Variants in EFCAB11 observed in about 807,000 individuals in gnomAD.
EFCAB11 encodes the protein EF-hand calcium-binding domain-containing protein 11.
Under a neutral mutation model 23.0 loss-of-function variants are expected in EFCAB11, and 14 were observed. The ratio of observed to expected loss-of-function variants is 0.61; its 90% CI spans 0.40 to 0.95. The LOEUF is 0.95. EFCAB11 is among the 40% of genes least tolerant of loss of function. The pLI, the probability that EFCAB11 is intolerant of heterozygous loss-of-function variation, is 0.00. For missense variants in EFCAB11, 198 were observed against 195.8 expected (o/e 1.01, Z -0.07); for synonymous variants, 65 against 66.6 (o/e 0.98, Z 0.11).
chr14:89,825,879 T>TTTAG (rs1257856134), intron 5 of EFCAB11, among the ~76,000 whole-genome samples: 1 of 152,172 alleles, frequency 6.6e-6, no homozygotes, highest in African/African-American at 2.4e-5. Context: ...GCTTGCAATG[T>TTTAG]TTTATAACTA....
At chr14:89,805,672 C>T (rs8022250) in intron 5 of EFCAB11, among the ~76,000 whole-genome samples, 108 of 152,090 alleles carry the variant, frequency 7.1e-4, no homozygotes, top group African/African-American at 2.6e-3. Context: ...TGAGCTGGAG[C>T]CTAAACAAAC....
chr14:89,944,104 T>C (rs144667917), intron 3 of EFCAB11, among the ~76,000 whole-genome samples: 86 of 152,342 alleles, frequency 5.6e-4, no homozygotes, highest in African/African-American at 2.0e-3. Context: ...TCTTTTCTCA[T>C]GCTGCTGATA....
At chr14:89,954,742 G>T, upstream of EFCAB11, 1 of 1,537,600 alleles carries the variant, frequency 6.5e-7, no homozygotes. Flanking sequence ...CCGCGGCCAC[G>T]CCCACCGCGG....
At chr14:89,925,073 A>C (rs1441024240) in intron 5 of EFCAB11, among the ~76,000 whole-genome samples, 1 of 152,268 alleles carries the variant, frequency 6.6e-6, no homozygotes, top group Non-Finnish European at 1.5e-5. Context: ...TTAAGGAAAG[A>C]AGACTGTACA....
chr14:89,918,854 T>C lies in EFCAB11; in HGVS notation c.410+12687A>G, dbSNP rs929304115. Among the ~76,000 whole-genome samples the C allele has an allele frequency of 4.0e-5, 6 of 151,640 alleles. No individual in the cohort carries two copies. In the South Asian group the frequency reaches 1.0e-3, roughly 26 times the overall value. Reference sequence around the variant, plus strand: ...AGGGGTCAGTGGCAGGCATGTCAACTACGTGCCATCCCTATAACAGGGAAC... The same window carrying C: ...AGGGGTCAGTGGCAGGCATGTCAACCACGTGCCATCCCTATAACAGGGAAC... On this transcript the variant is annotated intron_variant, in intron 5 of 5. Transcript: ENST00000316738.
chr14:89,804,432 T>C (rs1452250540), intron 5 of EFCAB11, among the ~76,000 whole-genome samples: 1 of 152,210 alleles, frequency 6.6e-6, no homozygotes, highest in Non-Finnish European at 1.5e-5. Flanking sequence ...CGTAGACAAC[T>C]CTGAGGTCAT....
At chr14:89,837,317 C>T (rs1887117490) in intron 5 of EFCAB11, among the ~76,000 whole-genome samples, 1 of 152,110 alleles carries the variant, frequency 6.6e-6, no homozygotes, top group Non-Finnish European at 1.5e-5. Context: ...GAAGTTCCAC[C>T]AAGAAACTGG....
At chr14:89,887,632 G>T (rs901695097) in intron 5 of EFCAB11, among the ~76,000 whole-genome samples, 1 of 152,096 alleles carries the variant, frequency 6.6e-6, no homozygotes. Flanking sequence ...AATCCTTAAG[G>T]TATTTACTGA....
At chr14:89,944,287 T>G (rs1890891098) in intron 3 of EFCAB11, among the ~76,000 whole-genome samples, 1 of 152,174 alleles carries the variant, frequency 6.6e-6, no homozygotes, top group Non-Finnish European at 1.5e-5. Context: ...TTTAAAACCA[T>G]CAAATCTCGT....
chr14:89,886,213 A>C (rs1888767577), intron 5 of EFCAB11, among the ~76,000 whole-genome samples: 1 of 151,966 alleles, frequency 6.6e-6, no homozygotes, highest in Non-Finnish European at 1.5e-5. Context: ...AGGCCCTCTC[A>C]CCTTATAGAA....
intron 5 of EFCAB11, among the ~76,000 whole-genome samples, chr14:89,907,245 C>A (rs1889526067): frequency 6.6e-6 from 1 of 152,140 alleles, no homozygotes; most frequent in Non-Finnish European, 1.5e-5. Context: ...GTTTGAGGGT[C>A]TAACAAAAGG....
intron 5 of EFCAB11, among the ~76,000 whole-genome samples, chr14:89,869,926 C>T (rs1359145118): frequency 6.6e-6 from 1 of 152,220 alleles, no homozygotes; most frequent in African/African-American, 2.4e-5. Context: ...CAAGGAGCTG[C>T]AGTCATTCAC....
chr14:89,858,618 C>G (rs1189872443), intron 5 of EFCAB11, among the ~76,000 whole-genome samples: 3 of 150,740 alleles, frequency 2.0e-5, no homozygotes, highest in Non-Finnish European at 2.9e-5. Flanking sequence ...GCCTCCCAGG[C>G]AGCTGGGACC....
intron 3 of EFCAB11, among the ~76,000 whole-genome samples, chr14:89,946,088 T>G (rs1390551818): frequency 6.6e-6 from 1 of 151,916 alleles, no homozygotes; most frequent in Non-Finnish European, 1.5e-5. Context: ...CCAGCTAATT[T>G]TTTTGTATTT....
At chr14:89,844,665 T>G (rs1033399055) in intron 5 of EFCAB11, among the ~76,000 whole-genome samples, 1 of 152,218 alleles carries the variant, frequency 6.6e-6, no homozygotes, top group African/African-American at 2.4e-5. Flanking sequence ...ACTCTCAGCC[T>G]TCCCAGTCAC....
intron 2 of EFCAB11, chr14:89,952,716 C>T (rs1382808330): frequency 1.5e-6 from 1 of 648,312 alleles, no homozygotes; most frequent in African/African-American, 2.0e-5. Context: ...ATCACAGGGT[C>T]CCTGGCTTTG....
intron 5 of EFCAB11, among the ~76,000 whole-genome samples, chr14:89,869,589 G>A (rs1170458926): frequency 5.9e-5 from 9 of 152,312 alleles, no homozygotes; most frequent in Admixed American, 2.6e-4. Context: ...CCACAGGACC[G>A]AGTGTGCACT....
At chr14:89,894,691 A>C (rs1031365803) in intron 5 of EFCAB11, among the ~76,000 whole-genome samples, 1 of 152,196 alleles carries the variant, frequency 6.6e-6, no homozygotes, top group Non-Finnish European at 1.5e-5. Flanking sequence ...TAAATGATAT[A>C]AGGATTGGAA....
intron 5 of EFCAB11, among the ~76,000 whole-genome samples, chr14:89,806,887 C>T (rs553654903): frequency 6.6e-6 from 1 of 152,188 alleles, no homozygotes; most frequent in East Asian, 1.9e-4. Context: ...GAAAATGTAA[C>T]CCAACTCCTG....
Sources: gnomAD v4.1 joint callset for allele counts (sites outside exome capture counted in the v4.1 genomes callset) on GRCh38, gnomAD v4.1.1 for gene constraint, MANE v1.5 for transcripts, NCBI Gene and HGNC (gene_info 2026-07-23, HGNC 2026-07-21) for gene names.